The following BRD3 variants were observed in gnomAD, a reference collection of about 807,000 sequenced individuals.
BRD3 encodes bromodomain containing 3.
In BRD3, 17 loss-of-function variants were observed where a neutral mutation model predicts 66.8. The ratio of observed to expected loss-of-function variants is 0.25; its 90% CI spans 0.17 to 0.38. The LOEUF (loss-of-function observed/expected upper bound fraction) is 0.38, where lower values mean the gene tolerates loss of function less well. Ranked by LOEUF, BRD3 falls within the 10% of genes least tolerant of loss-of-function variation. The pLI is 1.00. For missense variants in BRD3, 713 were observed against 956.1 expected (o/e 0.75, Z 3.35); for synonymous variants, 421 against 393.2 (o/e 1.07, Z -0.84).
At chr9:134,038,491 G>A (rs1306448238) in intron 9 of BRD3, among the ~76,000 whole-genome samples, 3 of 151,944 alleles carry the variant, frequency 2.0e-5, no homozygotes, top group Non-Finnish European at 4.4e-5. Context: ...AGACCACTAT[G>A]GGCAACACAG....
At position 134,030,521 on chromosome 9, in the gene BRD3, G is replaced by GT. The variant is rs1395673004; in HGVS notation, c.*3068dup. 5.8e-5 allele frequency: 12 copies of GT among 207,442 alleles called. No individual in the cohort carries two copies. The highest frequency in any genetic ancestry group is 1.2e-4 in the Admixed American group (2 of 16,808). 12.9% of individuals were successfully genotyped at this position (207,442 alleles called of 1,614,324 possible). A position where few individuals can be genotyped will look rare whatever the true frequency, so the allele number is the denominator to read the frequency against. ...AATATACTAGAAACGGCACTAAAAAGTTTAAGAAAAGTTACGGTAAACTTG... is the reference window on the plus strand; with the variant it reads ...AATATACTAGAAACGGCACTAAAAAGTTTTAAGAAAAGTTACGGTAAACTTG... On this transcript the variant is annotated 3_prime_UTR_variant, in exon 12 of 12. Coordinates refer to ENST00000303407, the MANE Select transcript of BRD3 (RefSeq NM_007371.4).
rs199545411 is a variant in BRD3 at position 134,040,162 on chromosome 9, C to G, written c.1515G>C (p.Glu505Asp). 148 of 1,562,570 alleles carry G rather than the reference C, an allele frequency of 9.5e-5. 1 individual carries two copies. The highest frequency in any genetic ancestry group is 4.4e-4 in the Admixed American group (23 of 52,226). The change falls in exon 9 of 12, where the codon GAG becomes GAC. Residue 505 changes from glutamate to aspartate, a missense_variant. Transcript: ENST00000303407. ...TCACTTTGTGCTTCTCCTTCTCCTT[C>G]TCCTTGTCCTTCTTCTTCTTCTCCT... ...KEKEKKKKDK[E>D]KEKEKHKVKA...
rs562067719 is a variant in BRD3 at position 134,039,769 on chromosome 9, A to G, written c.1643+265T>C. ...TTGGCCCAGACCAGAGAAACATCCC[A>G]AAAGCTTCATGATGTGGAGACCAGG... is the stretch of plus-strand genomic sequence containing the variant. On this transcript the variant is annotated intron_variant, in intron 9 of 11. Coordinates refer to ENST00000303407, the MANE Select transcript of BRD3 (RefSeq NM_007371.4). Among the ~76,000 whole-genome samples, 13 of 152,308 alleles carry G rather than the reference A, an allele frequency of 8.5e-5. No individual in the cohort carries two copies. In the East Asian group the frequency reaches 2.3e-3, roughly 27 times the overall value.
intron 1 of BRD3, among the ~76,000 whole-genome samples, chr9:134,060,584 C>CCTGA (rs1466758992): frequency 9.4e-6 from 1 of 106,242 alleles, no homozygotes; most frequent in Non-Finnish European, 1.9e-5. Context: ...AGAGCAAGAC[C>CCTGA]CTGACACACA....
intron 1 of BRD3, among the ~76,000 whole-genome samples, chr9:134,062,797 C>T (rs1342562339): frequency 3.3e-5 from 5 of 152,290 alleles, no homozygotes; most frequent in East Asian, 1.9e-4. Flanking sequence ...GGGTCTCCCA[C>T]GGGTCTGGGA....
At chr9:134,064,198 C>T (rs1830599882) in intron 1 of BRD3, among the ~76,000 whole-genome samples, 1 of 152,134 alleles carries the variant, frequency 6.6e-6, no homozygotes, top group Admixed American at 6.5e-5. Flanking sequence ...TTTAAACCAC[C>T]AACAGGTGAA....
intron 1 of BRD3, among the ~76,000 whole-genome samples, chr9:134,055,353 G>A (rs942984917): frequency 6.6e-6 from 1 of 152,116 alleles, no homozygotes; most frequent in African/African-American, 2.4e-5. Flanking sequence ...GGCCTGGGGT[G>A]ACCGAGTCCT....
chr9:134,047,629 T>G (rs1262167622), intron 6 of BRD3, among the ~76,000 whole-genome samples: 1 of 151,710 alleles, frequency 6.6e-6, no homozygotes, highest in Admixed American at 6.6e-5. Context: ...TGTGAGGGGG[T>G]GGGGCTTGGA....
intron 9 of BRD3, among the ~76,000 whole-genome samples, chr9:134,039,068 C>T: frequency 6.6e-6 from 1 of 152,142 alleles, no homozygotes; most frequent in Non-Finnish European, 1.5e-5. Flanking sequence ...TGCTCCTCCC[C>T]TCCTCCCTCC....
rs377057935 is a variant in BRD3 at position 134,040,366 on chromosome 9, G to A, written c.1408-97C>T. ...ATTGGAGGGGGCTTGGGGCGATGTC[G>A]GAGCTGCCTCAGCTGGGTGAGGAGG... is the stretch of plus-strand genomic sequence containing the variant. On this transcript the variant is annotated intron_variant, in intron 8 of 11. Transcript: ENST00000303407. The A allele has an allele frequency of 1.3e-3, 1,773 of 1,387,268 alleles. 42 individuals carry two copies. The South Asian group carries it at 0.022, about 17-fold the overall frequency. 85.9% of individuals were successfully genotyped at this position (1,387,268 alleles called of 1,614,324 possible).
At chr9:134,053,823 G>A (rs1218680660) in intron 1 of BRD3, 3 of 301,562 alleles carry the variant, frequency 9.9e-6, no homozygotes, top group Non-Finnish European at 1.8e-5. Context: ...CGGGAGGGAA[G>A]GCCTGGGCGG....
At chr9:134,041,629 G>A (rs146906837) in intron 8 of BRD3, 131 bp downstream of exon 8, 61 of 1,225,828 alleles carry the variant, frequency 5.0e-5, no homozygotes, top group Middle Eastern at 2.8e-4. Flanking sequence ...GTGTCTTTAC[G>A]GGGAAGCACT....
At chr9:134,066,388 G>A (rs1830654099) in intron 1 of BRD3, among the ~76,000 whole-genome samples, 2 of 152,222 alleles carry the variant, frequency 1.3e-5, no homozygotes, top group South Asian at 2.1e-4. Flanking sequence ...CATCAGGGCT[G>A]CCAGGGAAGA....
intron 6 of BRD3, 67 bp downstream of exon 6, chr9:134,048,016 A>G (rs1479028162): frequency 1.4e-6 from 2 of 1,463,082 alleles, no homozygotes; most frequent in African/African-American, 1.4e-5. Flanking sequence ...AGCCGGCACA[A>G]GACATCAGCA....
intron 2 of BRD3, 25 bp downstream of exon 2, chr9:134,053,240 T>C (rs1830340732): frequency 6.2e-7 from 1 of 1,612,248 alleles, no homozygotes; most frequent in African/African-American, 1.3e-5. Flanking sequence ...AGAACGTGGC[T>C]CTTGGGGAGG....
At chr9:134,066,408 G>C (rs935193077) in intron 1 of BRD3, among the ~76,000 whole-genome samples, 2 of 152,164 alleles carry the variant, frequency 1.3e-5, no homozygotes. Flanking sequence ...AACCCGGAGG[G>C]AGGGCTCCCT....
rs548035705 is a variant in BRD3 at position 134,067,458 on chromosome 9, A to C, written c.-114+487T>G. Among the ~76,000 whole-genome samples the C allele has an allele frequency of 8.0e-3, 1,191 of 148,820 alleles. 14 individuals are homozygous for C. The highest frequency in any genetic ancestry group is 0.019 in the South Asian group (89 of 4,804). ...AGGCGCGGGGAAAGTGGCCCCGCGG[A>C]GCGCACGGCCGCAGGCCGGGGCCGC... On this transcript the variant is annotated intron_variant, in intron 1 of 11. Coordinates refer to ENST00000303407, the MANE Select transcript of BRD3 (RefSeq NM_007371.4).
chr9:134,058,477 A>G (rs1830471214), intron 1 of BRD3: 1 of 152,398 alleles, frequency 6.6e-6, no homozygotes, highest in African/African-American at 2.4e-5. Flanking sequence ...AGTAAACAGA[A>G]GGATCACGTC....
intron 1 of BRD3, among the ~76,000 whole-genome samples, chr9:134,060,062 G>A (rs986889291): frequency 2.0e-5 from 3 of 152,134 alleles, no homozygotes; most frequent in South Asian, 2.1e-4. Context: ...CACCTCCCCG[G>A]GTCTCCCACT....
Sources: allele counts gnomAD v4.1 joint callset (sites outside exome capture counted in the v4.1 genomes callset), GRCh38; gene constraint gnomAD v4.1.1; transcripts MANE v1.5; gene names NCBI Gene and HGNC (gene_info 2026-07-23, HGNC 2026-07-21).